The following PCDHGA11 variants were observed in gnomAD, a reference collection of about 807,000 sequenced individuals.
The protein encoded by PCDHGA11 is protocadherin gamma subfamily A, 11.
In PCDHGA11, 39 loss-of-function variants were observed where a neutral mutation model predicts 60.4. The ratio of observed to expected loss-of-function variants is 0.65; its 90% CI spans 0.50 to 0.84. The LOEUF (loss-of-function observed/expected upper bound fraction) is 0.84. PCDHGA11 is among the 40% of genes least tolerant of loss of function. The pLI is 0.00. For missense variants in PCDHGA11, 1,165 were observed against 1,197.7 expected, an observed-to-expected ratio of 0.97 and a Z score of 0.40; for synonymous variants, 533 against 510.3, an observed-to-expected ratio of 1.04 and a Z score of -0.60.
chr5:141,472,980 C>CAAAAAAAAAAA (rs60579131), intron 1 of PCDHGA11, among the ~76,000 whole-genome samples: 11 of 86,030 alleles, frequency 1.3e-4, no homozygotes, highest in Non-Finnish European at 1.3e-4. Flanking sequence ...GAGTGAAACT[C>CAAAAAAAAAAA]AAAAAAAAAA....
chr5:141,430,766 C>T, intron 1 of PCDHGA11: 1 of 1,504,534 alleles, frequency 6.6e-7, no homozygotes, highest in Non-Finnish European at 8.9e-7. Context: ...AAGAATGATT[C>T]CTGCGCGACT....
At chr5:141,426,767 A>G (rs1219028777) in intron 1 of PCDHGA11, 1 of 456,548 alleles carries the variant, frequency 2.2e-6, no homozygotes, top group Admixed American at 2.3e-5. Flanking sequence ...ATGCAGATGT[A>G]GGGCCTCACT....
chr5:141,438,635 TACACACACACACACAC>T (rs56854727), intron 1 of PCDHGA11, among the ~76,000 whole-genome samples: 7 of 33,414 alleles, frequency 2.1e-4, no homozygotes, highest in Non-Finnish European at 3.7e-4. Flanking sequence ...TATATATATA[TACACACACACACACAC>T]ATATATGTAT....
At chr5:141,459,775 T>C (rs377188083) in intron 1 of PCDHGA11, among the ~76,000 whole-genome samples, 8 of 152,362 alleles carry the variant, frequency 5.3e-5, no homozygotes, top group African/African-American at 1.4e-4. Flanking sequence ...TACTATCTCA[T>C]TGAAGTTTCA....
intron 1 of PCDHGA11, among the ~76,000 whole-genome samples, chr5:141,457,906 T>G (rs1272656638): frequency 6.7e-6 from 1 of 150,040 alleles, no homozygotes; most frequent in Admixed American, 6.6e-5. Flanking sequence ...AGACAAGGTG[T>G]GAGGCCAGTT....
At position 141,477,056 on chromosome 5, in the gene PCDHGA11, G is replaced by T; in HGVS notation, c.2434-17751G>T. 6.2e-7 allele frequency: 1 copy of T among 1,614,242 alleles called. No homozygotes were observed. The highest frequency in any genetic ancestry group is 8.5e-7 in the Non-Finnish European group (1 of 1,180,046). Reference sequence around the variant, plus strand: ...AATCAAGGGTCGGCTGGACTTCGAGGACACCAAACTCCATGAGATTTACAT... The same window carrying T: ...AATCAAGGGTCGGCTGGACTTCGAGTACACCAAACTCCATGAGATTTACAT... On this transcript the variant is annotated intron_variant, in intron 1 of 3. Coordinates refer to ENST00000398587, the MANE Select transcript of PCDHGA11 (RefSeq NM_018914.3). This position sits in a 1 kb window ranked among gnomAD's most constrained non-coding sequence, Gnocchi z 4.9.
Position 141,485,959 on chromosome 5 carries a change from C to A in PCDHGA11, c.2434-8848C>A, listed in dbSNP as rs758835557. The A allele has an allele frequency of 6.2e-7, 1 of 1,614,160 alleles. No homozygotes were observed. The highest frequency in any genetic ancestry group is 1.3e-5 in the African/African-American group (1 of 75,054). Reference sequence around the variant, plus strand: ...GCGCACCAGCGGGCATGGTGCTCATCCAGCTCAATGCCTCAGACCCGGACC... The same window carrying A: ...GCGCACCAGCGGGCATGGTGCTCATACAGCTCAATGCCTCAGACCCGGACC... On this transcript the variant is annotated intron_variant, in intron 1 of 3. Coordinates refer to ENST00000398587, the MANE Select transcript of PCDHGA11 (RefSeq NM_018914.3). The surrounding 1 kb of genome is among the most constrained non-coding windows in gnomAD (Gnocchi z 5.7).
chr5:141,505,803 C>T (rs920849273), intron 3 of PCDHGA11, among the ~76,000 whole-genome samples: 29 of 152,116 alleles, frequency 1.9e-4, no homozygotes, highest in African/African-American at 6.5e-4. Flanking sequence ...GGACTTGGAT[C>T]GACTTGCTCA....
chr5:141,504,755 T>A (rs953075905), intron 2 of PCDHGA11, among the ~76,000 whole-genome samples: 13 of 151,824 alleles, frequency 8.6e-5, no homozygotes, highest in Non-Finnish European at 1.5e-5. Flanking sequence ...ATTTTAGAAA[T>A]TTCTTCTCCC....
At chr5:141,469,610 AAAAT>A (rs1360697662) in intron 1 of PCDHGA11, among the ~76,000 whole-genome samples, 1 of 152,194 alleles carries the variant, frequency 6.6e-6, no homozygotes, top group Non-Finnish European at 1.5e-5. Context: ...TAAGTAAAAT[AAAAT>A]AAATGTTTGT....
rs368105487 is a variant in PCDHGA11 at position 141,489,478 on chromosome 5, A to G, written c.2434-5329A>G. On this transcript the variant is annotated intron_variant, in intron 1 of 3. Transcript: ENST00000398587. This position sits in a 1 kb window ranked among gnomAD's most constrained non-coding sequence, Gnocchi z 4.5. Reference sequence around the variant, plus strand: ...TGGGCGCTATTTTTCCCTGAGCTTGATGAGTGGTGCCCTGGCAGTGAATCA... The same window carrying G: ...TGGGCGCTATTTTTCCCTGAGCTTGGTGAGTGGTGCCCTGGCAGTGAATCA... The G allele has an allele frequency of 1.1e-5, 18 of 1,613,956 alleles. No individual in the cohort carries two copies. The highest frequency in any genetic ancestry group is 1.5e-5 in the Non-Finnish European group (18 of 1,180,030).
At chr5:141,440,822 A>T (rs1561900737) in intron 1 of PCDHGA11, 2 of 152,058 alleles carry the variant, frequency 1.3e-5, no homozygotes, top group Non-Finnish European at 2.9e-5. Context: ...TCAACTCCTG[A>T]TCCTATTGGT....
chr5:141,422,554 G>A lies in PCDHGA11; in HGVS notation c.1327G>A (p.Val443Met), dbSNP rs753985751. Residue 443 changes from valine (V) to methionine (M), a missense_variant, in exon 1 of 4, where the codon GTG becomes ATG. Val to Met is a conservative substitution (Grantham distance 21, BLOSUM62 1). Transcript: ENST00000398587. ...TGCAGAAACTCATGTCTGGCTGAATGTGGCAGATGACAACGATAACCCTCC... is the reference window on the plus strand; with the variant it reads ...TGCAGAAACTCATGTCTGGCTGAATATGGCAGATGACAACGATAACCCTCC... ...LSAETHVWLNVADDNDNPPVF... is the reference protein window; with the variant it reads ...LSAETHVWLNMADDNDNPPVF... 1.2e-5 allele frequency: 19 copies of A among 1,613,870 alleles called. No individual in the cohort carries two copies. Among genetic ancestry groups the A allele is most frequent in the Non-Finnish European group, 1.6e-5 (19 of 1,179,906 alleles).
At chr5:141,497,719 T>C (rs1311566820) in intron 2 of PCDHGA11, among the ~76,000 whole-genome samples, 2 of 152,076 alleles carry the variant, frequency 1.3e-5, no homozygotes, top group Non-Finnish European at 2.9e-5. Context: ...TTTGTATTTT[T>C]AGTAGAGATG....
intron 2 of PCDHGA11, 76 bp from the exon 3 acceptor site, chr5:141,505,317 G>T: frequency 6.2e-7 from 1 of 1,603,092 alleles, no homozygotes. Flanking sequence ...AGGTTTGGGA[G>T]CCCTGGGAGA....
At chr5:141,450,080 C>G (rs140080701) in intron 1 of PCDHGA11, among the ~76,000 whole-genome samples, 6,313 of 144,358 alleles carry the variant, frequency 0.044, 398 homozygotes, top group Admixed American at 0.19. Context: ...GATCTTGGCT[C>G]ACTGCAACCT....
At chr5:141,456,259 C>T (rs1456888951) in intron 1 of PCDHGA11, among the ~76,000 whole-genome samples, 1 of 152,122 alleles carries the variant, frequency 6.6e-6, no homozygotes, top group Non-Finnish European at 1.5e-5. Flanking sequence ...GCGACCATTG[C>T]TTCTGGCTAC....
At chr5:141,478,545 A>C in intron 1 of PCDHGA11, 1 of 1,605,606 alleles carries the variant, frequency 6.2e-7, no homozygotes, top group Non-Finnish European at 8.5e-7. Flanking sequence ...CCTCCCGGAC[A>C]GGTAAGGTTT....
intron 1 of PCDHGA11, among the ~76,000 whole-genome samples, chr5:141,460,793 A>T (rs954317795): frequency 2.0e-4 from 30 of 152,024 alleles, no homozygotes; most frequent in Non-Finnish European, 2.9e-5. Flanking sequence ...TATACACACA[A>T]AGTATATATA....
Sources: allele counts gnomAD v4.1 joint callset (sites outside exome capture counted in the v4.1 genomes callset), GRCh38; gene constraint gnomAD v4.1.1; non-coding constraint Gnocchi (gnomAD v3.1); transcripts MANE v1.5; gene names NCBI Gene and HGNC (gene_info 2026-07-23, HGNC 2026-07-21).